Variants in USP44 observed in about 807,000 individuals in gnomAD.
USP44 encodes the protein ubiquitin specific peptidase 44, also known as ubiquitin carboxyl-terminal hydrolase 44.
A neutral mutation model predicts 69.0 loss-of-function variants in USP44; 61 were observed. The observed-to-expected ratio is 0.88, with a 90% CI of 0.72 to 1.09. USP44 has a LOEUF of 1.09. Ranked by LOEUF, USP44 falls within the 50% of genes least tolerant of loss-of-function variation. USP44 has a pLI of 0.00. For synonymous variants in USP44, 297 were observed against 295.4 expected, an observed-to-expected ratio of 1.01 and a Z score of -0.06; for missense variants, 753 against 849.9, an observed-to-expected ratio of 0.89 and a Z score of 1.42.
rs927741920 is a variant in USP44, at chr12:95,532,826, T to C, written c.1428+3A>G. 3.2e-6 allele frequency: 5 copies of C among 1,570,350 alleles called. No homozygotes were observed. The highest frequency in any genetic ancestry group is 4.3e-6 in the Non-Finnish European group (5 of 1,162,226). On this transcript the variant is annotated splice_donor_region_variant and intron_variant, in intron 2 of 5. Transcript: ENST00000258499. ...TGAAAATAAGATTCTTAAAAATCCA[T>C]ACCTGACTAAGAAGTTGTCCATGAA...
rs1449464614 is a variant in USP44, at chr12:95,516,631, G to T, written c.*1523C>A. The T allele has an allele frequency of 1.3e-5, 2 of 152,066 alleles. No individual in the cohort carries two copies. The highest frequency in any genetic ancestry group is 2.9e-5 in the Non-Finnish European group (2 of 68,016). 9.4% of individuals were successfully genotyped at this position (152,066 alleles called of 1,614,324 possible). ...ACAGTTGAGGTAACAACTTGCATAG[G>T]TATTATGAACAATTTTAAACATAGC... On this transcript the variant is annotated 3_prime_UTR_variant, in exon 6 of 6. Coordinates refer to ENST00000258499, the MANE Select transcript of USP44 (RefSeq NM_032147.5).
At position 95,533,366 on chromosome 12, in the gene USP44, A is replaced by T. The variant is rs939963367; in HGVS notation, c.891T>A (p.Phe297Leu). The T allele has an allele frequency of 6.2e-7, 1 of 1,613,130 alleles. No individual in the cohort carries two copies. Among genetic ancestry groups the T allele is most frequent in the African/African-American group, 1.3e-5 (1 of 74,894 alleles). ...GATCAAGCTTTAAAAAACATTGTCG[A>T]AAAATAAGTAAATGACTCAACACCT... ...VLQVLSHLLI[F>L]RQCFLKLDLN... Residue 297 changes from phenylalanine to leucine, a missense_variant, in exon 2 of 6, where the codon TTT becomes TTA. By Grantham distance (22) the Phe-to-Leu change is conservative. Coordinates refer to ENST00000258499, the MANE Select transcript of USP44 (RefSeq NM_032147.5).
At chr12:95,529,190 T>C (rs1025222864) in intron 2 of USP44, among the ~76,000 whole-genome samples, 188 bp from the exon 3 acceptor site, 3 of 152,192 alleles carry the variant, frequency 2.0e-5, no homozygotes, top group African/African-American at 7.2e-5. Flanking sequence ...AAGATTGTTA[T>C]CAGAGCCATC....
intron 1 of USP44, among the ~76,000 whole-genome samples, chr12:95,541,689 T>C (rs1489350780): frequency 6.6e-6 from 1 of 152,144 alleles, no homozygotes; most frequent in African/African-American, 2.4e-5. Flanking sequence ...AACGTATACA[T>C]TTGTCAGTCT....
In USP44 at chr12:95,518,067, C is replaced by G; in HGVS notation, c.*87G>C. 6.9e-7 allele frequency: 1 copy of G among 1,446,976 alleles called. No individual in the cohort carries two copies. Among genetic ancestry groups the G allele is most frequent in the African/African-American group, 1.4e-5 (1 of 69,640 alleles). The allele number at this position is 1,446,976 out of a possible 1,614,324, so 89.6% of individuals were successfully genotyped here. ...TATAAATGTAGTATACACTGATTCA[C>G]AAGAAAAAATGAAGTTTAAAATGGT... On this transcript the variant is annotated 3_prime_UTR_variant, in exon 6 of 6. Coordinates refer to ENST00000258499, the MANE Select transcript of USP44 (RefSeq NM_032147.5).
At chr12:95,546,295 T>C in intron 1 of USP44, among the ~76,000 whole-genome samples, 1 of 152,248 alleles carries the variant, frequency 6.6e-6, no homozygotes, top group East Asian at 1.9e-4. Flanking sequence ...ACATCTATGA[T>C]CTGATCTAGC....
intron 1 of USP44, among the ~76,000 whole-genome samples, chr12:95,550,891 G>A (rs1487762967): frequency 3.9e-5 from 6 of 152,140 alleles, no homozygotes; most frequent in Non-Finnish European, 4.4e-5. Context: ...GAAGAGGTGC[G>A]GAGTGGGAAG....
chr12:95,542,837 C>T (rs968693692), intron 1 of USP44, among the ~76,000 whole-genome samples: 6 of 151,858 alleles, frequency 4.0e-5, no homozygotes, highest in African/African-American at 1.2e-4. Context: ...CCCTGTAATC[C>T]CAGCACTTTG....
chr12:95,532,823 C>A lies in USP44; in HGVS notation c.1428+6G>T. The A allele has an allele frequency of 6.4e-7, 1 of 1,563,872 alleles. No individual in the cohort carries two copies. The highest frequency in any genetic ancestry group is 1.2e-5 in the South Asian group (1 of 81,278). On this transcript the variant is annotated splice_donor_region_variant and intron_variant, in intron 2 of 5. Transcript: ENST00000258499. ...TGATGAAAATAAGATTCTTAAAAAT[C>A]CATACCTGACTAAGAAGTTGTCCAT... is the stretch of plus-strand genomic sequence containing the variant.
chr12:95,532,167 G>GTT (rs1272256143), intron 2 of USP44, among the ~76,000 whole-genome samples: 8,809 of 126,556 alleles, frequency 0.07, 488 homozygotes, highest in Admixed American at 0.14. Flanking sequence ...CTTTCTTTGG[G>GTT]TTTTTTTTTT....
chr12:95,541,838 C>T (rs369778340), intron 1 of USP44, among the ~76,000 whole-genome samples: 4 of 150,296 alleles, frequency 2.7e-5, no homozygotes, highest in African/African-American at 7.3e-5. Flanking sequence ...CCAACTCCTT[C>T]ATAAAATCTT....
In USP44 at chr12:95,534,167, C is replaced by T. The variant is rs748061573; in HGVS notation, c.90G>A (p.Val30=). Residue 30 remains valine (V), a synonymous_variant, in exon 2 of 6, where the codon GTG becomes GTA. Coordinates refer to ENST00000258499, the MANE Select transcript of USP44 (RefSeq NM_032147.5). ...SSLNPQKWHC[V]DCNTTESIWA... ...AAATGGACTCGGTCGTGTTGCAGTC[C>T]ACACAGTGCCATTTCTGAGGGTTGA... is the stretch of plus-strand genomic sequence containing the variant. 2 of 1,614,136 alleles carry T rather than the reference C, an allele frequency of 1.2e-6. No individual in the cohort carries two copies. The highest frequency in any genetic ancestry group is 1.7e-6 in the Non-Finnish European group (2 of 1,180,008).
chr12:95,550,647 C>T (rs187653447), intron 1 of USP44, among the ~76,000 whole-genome samples: 2 of 152,028 alleles, frequency 1.3e-5, no homozygotes, highest in African/African-American at 4.8e-5. Flanking sequence ...TCTTGCTTTC[C>T]TATTATAATG....
At chr12:95,544,905 G>T (rs1295205671) in intron 1 of USP44, among the ~76,000 whole-genome samples, 2 of 151,854 alleles carry the variant, frequency 1.3e-5, no homozygotes, top group Non-Finnish European at 2.9e-5. Context: ...CAATATTAAG[G>T]TATTTCTAAA....
chr12:95,531,693 TAAAC>T (rs916767825), intron 2 of USP44, among the ~76,000 whole-genome samples: 1 of 152,204 alleles, frequency 6.6e-6, no homozygotes, highest in Non-Finnish European at 1.5e-5. Context: ...CTGAAATACT[TAAAC>T]AACATTTTAG....
chr12:95,541,260 A>G (rs1004903303), intron 1 of USP44, among the ~76,000 whole-genome samples: 1 of 152,188 alleles, frequency 6.6e-6, no homozygotes, highest in Non-Finnish European at 1.5e-5. Flanking sequence ...TGGGCGACAG[A>G]GTGAAACTCT....
In USP44 at chr12:95,532,840, G is replaced by T; in HGVS notation, c.1417C>A (p.Leu473Ile). Residue 473 changes from leucine to isoleucine, a missense_variant, in exon 2 of 6, where the codon CTT becomes ATT. Physicochemically the swap from Leu to Ile is conservative, Grantham distance 5. Transcript: ENST00000258499. ...TTAAAAATCCATACCTGACTAAGAA[G>T]TTGTCCATGAAAAATGTTATTTACA... is the stretch of plus-strand genomic sequence containing the variant. ...NVVNNIFHGQ[L>I]LSQVTCLACD... The T allele has an allele frequency of 1.3e-6, 2 of 1,583,338 alleles. No individual in the cohort carries two copies. The highest frequency in any genetic ancestry group is 2.2e-5 in the East Asian group (1 of 44,630).
intron 1 of USP44, among the ~76,000 whole-genome samples, chr12:95,541,145 G>A (rs1234811336): frequency 6.6e-6 from 1 of 152,206 alleles, no homozygotes; most frequent in East Asian, 1.9e-4. Flanking sequence ...CGGGCATGGT[G>A]GCAGGTGCCT....
intron 2 of USP44, 68 bp downstream of exon 2, chr12:95,532,761 T>C (rs1010858749): frequency 7.5e-6 from 10 of 1,341,240 alleles, no homozygotes; most frequent in African/African-American, 1.5e-5. Context: ...GTACATAGAA[T>C]ATGCCTTTTT....
Sources: allele counts gnomAD v4.1 joint callset (sites outside exome capture counted in the v4.1 genomes callset), GRCh38; gene constraint gnomAD v4.1.1; transcripts MANE v1.5; gene names NCBI Gene and HGNC (gene_info 2026-07-23, HGNC 2026-07-21).